The following MALRD1 variants were observed in gnomAD, a reference collection of about 807,000 sequenced individuals.
The protein encoded by MALRD1 is MAM and LDL-receptor class A domain-containing protein 1.
A neutral mutation model predicts 242.1 loss-of-function variants in MALRD1; 247 were observed. The observed-to-expected ratio is 1.02, with a 90% CI of 0.92 to 1.13. The LOEUF is 1.13. Among genes scored for constraint, MALRD1 ranks in the 50% most tolerant of loss-of-function variants. The pLI is 0.00. For synonymous variants in MALRD1, 995 were observed against 866.6 expected (o/e 1.15, Z -2.60); for missense variants, 2,989 against 2,533.1 (o/e 1.18, Z -3.86).
intron 24 of MALRD1, among the ~76,000 whole-genome samples, chr10:19,339,679 A>G (rs1267482463): frequency 6.6e-6 from 1 of 152,192 alleles, no homozygotes; most frequent in Non-Finnish European, 1.5e-5. Flanking sequence ...AGCAAAATTC[A>G]TTGCCATTTA....
chr10:19,479,980 A>G (rs1836920009), intron 29 of MALRD1, among the ~76,000 whole-genome samples: 1 of 152,160 alleles, frequency 6.6e-6, no homozygotes, highest in Non-Finnish European at 1.5e-5. Context: ...TAGTAGCAAA[A>G]GGAGCTGATA....
chr10:19,286,093 AC>A (rs1841097376), intron 21 of MALRD1, among the ~76,000 whole-genome samples: 2 of 125,216 alleles, frequency 1.6e-5, no homozygotes, highest in African/African-American at 6.1e-5. Context: ...TGATTTTTGT[AC>A]ATTGATTTTG....
chr10:19,694,209 A>C (rs1310601723), intron 38 of MALRD1, among the ~76,000 whole-genome samples: 1 of 152,220 alleles, frequency 6.6e-6, no homozygotes, highest in Non-Finnish European at 1.5e-5. Context: ...TGGCAACAAA[A>C]GCCAAAATTG....
intron 26 of MALRD1, among the ~76,000 whole-genome samples, chr10:19,366,736 A>C (rs913173452): frequency 6.6e-6 from 1 of 152,110 alleles, no homozygotes; most frequent in East Asian, 1.9e-4. Flanking sequence ...GAAAATGTAT[A>C]TACACATCTC....
chr10:19,629,539 T>A (rs913830751), intron 36 of MALRD1, among the ~76,000 whole-genome samples: 2 of 152,162 alleles, frequency 1.3e-5, no homozygotes, highest in Non-Finnish European at 2.9e-5. Context: ...AAAATGTTTC[T>A]ACACAGTTTT....
rs77159097 is a variant in MALRD1 at position 19,398,568 on chromosome 10, C to G, written c.4845+8959C>G. On this transcript the variant is annotated intron_variant, in intron 28 of 39. Transcript: ENST00000454679. ...ACTACTAATACCTGTGATCTGTTGC[C>G]TGTATTCACAATTTGAAGAAAATAC... Among the ~76,000 whole-genome samples, 237 of 152,164 alleles carry G rather than the reference C, an allele frequency of 1.6e-3. 1 individual carries two copies. Among genetic ancestry groups the G allele is most frequent in the African/African-American group, 5.4e-3 (226 of 41,526 alleles).
chr10:19,492,794 C>G (rs1021811958), intron 30 of MALRD1, among the ~76,000 whole-genome samples: 4 of 152,024 alleles, frequency 2.6e-5, no homozygotes, highest in Non-Finnish European at 5.9e-5. Context: ...CTAGACTAGA[C>G]TTTCAATGGG....
intron 16 of MALRD1, 100 bp from the exon 17 acceptor site, chr10:19,204,798 C>G: frequency 1.6e-6 from 2 of 1,229,134 alleles, no homozygotes; most frequent in South Asian, 3.2e-5. Context: ...CTTATGATAA[C>G]TCATTAAAAT....
chr10:19,380,230 C>G lies in MALRD1; in HGVS notation c.4442-7298C>G, dbSNP rs186226728. On this transcript the variant is annotated intron_variant, in intron 26 of 39. Transcript: ENST00000454679. ...CCTCAGGTGATCCACCTGCCTTGGC[C>G]TCCCAAAGTGCTAGGATTACAGGTG... Among the ~76,000 whole-genome samples the G allele has an allele frequency of 3.5e-3, 523 of 150,948 alleles. 4 individuals are homozygous for G. The highest frequency in any genetic ancestry group is 0.012 in the African/African-American group (502 of 41,182).
At position 19,599,825 on chromosome 10, in the gene MALRD1, G is replaced by C. The variant is rs143042731; in HGVS notation, c.5944+4368G>C. On this transcript the variant is annotated intron_variant, in intron 34 of 39. Transcript: ENST00000454679. The stretch of plus-strand genomic sequence containing the variant: ...GCATGACATTTAGTTAAGGCAAGCG[G>C]TTAGTCCATGCTGATCTCAAAGAGT... Among the ~76,000 whole-genome samples the C allele has an allele frequency of 1.4e-4, 22 of 152,238 alleles. No individual in the cohort carries two copies. In the East Asian group the frequency reaches 2.3e-3, roughly 16 times the overall value.
intron 38 of MALRD1, among the ~76,000 whole-genome samples, chr10:19,724,093 C>A (rs1341245559): frequency 6.6e-6 from 1 of 152,064 alleles, no homozygotes; most frequent in East Asian, 1.9e-4. Context: ...AGCTTTTGAG[C>A]TCATTTTTCT....
intron 18 of MALRD1, among the ~76,000 whole-genome samples, chr10:19,229,603 A>G (rs998256839): frequency 3.3e-5 from 5 of 152,100 alleles, no homozygotes; most frequent in African/African-American, 4.8e-5. Context: ...GCTTCCACCC[A>G]TAGAAAAGCA....
In MALRD1 at chr10:19,248,897, C is replaced by T. The variant is rs1035221662; in HGVS notation, c.2992-8787C>T. On this transcript the variant is annotated intron_variant, in intron 18 of 39. Transcript: ENST00000454679. ...ACAGATATATAACATATATGATATACGTGTATATCATATGTGTATATGTTT... is the reference window on the plus strand; with the variant it reads ...ACAGATATATAACATATATGATATATGTGTATATCATATGTGTATATGTTT... Among the ~76,000 whole-genome samples the T allele has an allele frequency of 7.5e-5, 11 of 146,200 alleles. No individual in the cohort carries two copies. The East Asian group carries it at 7.9e-4, about 11-fold the overall frequency.
At chr10:19,719,171 C>CAT (rs1230730939) in intron 38 of MALRD1, among the ~76,000 whole-genome samples, 2,092 of 69,560 alleles carry the variant, frequency 0.03, 85 homozygotes, top group African/African-American at 0.041. Context: ...TATATATATA[C>CAT]ATACATATAT....
chr10:19,491,464 G>A (rs1246120621), intron 29 of MALRD1, 53 bp from the exon 30 acceptor site: 2 of 1,530,852 alleles, frequency 1.3e-6, no homozygotes, highest in Non-Finnish European at 1.8e-6. Context: ...GAATCTTCAA[G>A]TCTAATGAAA....
At chr10:19,237,083 A>G (rs1464612181) in intron 18 of MALRD1, among the ~76,000 whole-genome samples, 3 of 152,206 alleles carry the variant, frequency 2.0e-5, no homozygotes, top group East Asian at 1.9e-4. Flanking sequence ...TAATGATCCA[A>G]TAAGGATAGT....
Position 19,381,074 on chromosome 10 carries a change from C to A in MALRD1, c.4442-6454C>A, listed in dbSNP as rs548532379. On this transcript the variant is annotated intron_variant, in intron 26 of 39. Coordinates refer to ENST00000454679, the MANE Select transcript of MALRD1 (RefSeq NM_001142308.3). ...TCCCTCCCCCCTCCCCCCACCCCACCACAGTCCCCAGAGTGTGATATTCCC... is the reference window on the plus strand; with the variant it reads ...TCCCTCCCCCCTCCCCCCACCCCACAACAGTCCCCAGAGTGTGATATTCCC... Among the ~76,000 whole-genome samples the A allele has an allele frequency of 2.0e-3, 259 of 130,226 alleles. 1 individual carries two copies. The highest frequency in any genetic ancestry group is 7.1e-3 in the African/African-American group (240 of 33,994). The allele number at this position is 130,226 out of a possible 152,430, so 85.4% of individuals were successfully genotyped here.
At chr10:19,333,086 A>G (rs1245761238) in intron 24 of MALRD1, among the ~76,000 whole-genome samples, 4 of 151,978 alleles carry the variant, frequency 2.6e-5, no homozygotes, top group Non-Finnish European at 5.9e-5. Flanking sequence ...TTAGAACTCA[A>G]GTATTTTGAT....
Position 19,066,774 on chromosome 10 carries a change from T to C in MALRD1, c.255T>C (p.Asp85=), listed in dbSNP as rs1834992756. 1 of 1,233,576 alleles carries C rather than the reference T, an allele frequency of 8.1e-7. No individual in the cohort carries two copies. The highest frequency in any genetic ancestry group is 1.0e-6 in the Non-Finnish European group (1 of 987,886). 76.4% of individuals were successfully genotyped at this position (1,233,576 alleles called of 1,614,324 possible). A position where few individuals can be genotyped will look rare whatever the true frequency, so the allele number is the denominator to read the frequency against. The part of the protein sequence containing the change: ...FEDGLCHMTQ[D]QSLQPSWTKR... ...ATGGTCTCTGTCATATGACTCAAGA[T>C]CAGAGTCTGCAACCTAGTTGGACAA... is the stretch of plus-strand genomic sequence containing the variant. The change falls in exon 2 of 40, where the codon GAT becomes GAC. Residue 85 remains aspartate (D), a synonymous_variant. Coordinates refer to ENST00000454679, the MANE Select transcript of MALRD1 (RefSeq NM_001142308.3).
Sources: gnomAD v4.1 joint callset for allele counts (sites outside exome capture counted in the v4.1 genomes callset) on GRCh38, gnomAD v4.1.1 for gene constraint, MANE v1.5 for transcripts, NCBI Gene and HGNC (gene_info 2026-07-23, HGNC 2026-07-21) for gene names.